NDST3: variants seen among roughly 807,000 people sequenced by gnomAD.
NDST3 encodes N-deacetylase and N-sulfotransferase 3.
Under a neutral mutation model 96.1 loss-of-function variants are expected in NDST3, and 58 were observed. The observed-to-expected ratio is 0.60, with a 90% CI of 0.49 to 0.75. NDST3 has a LOEUF of 0.75. Ranked by LOEUF, NDST3 falls within the 30% of genes least tolerant of loss-of-function variation. The pLI, the probability that NDST3 is intolerant of heterozygous loss-of-function variation, is 0.00. For missense variants in NDST3, 788 were observed against 1,034.2 expected, an observed-to-expected ratio of 0.76 and a Z score of 3.27; for synonymous variants, 333 against 359.7, an observed-to-expected ratio of 0.93 and a Z score of 0.84.
chr4:118,156,847 G>A (rs190465264), intron 6 of NDST3, among the ~76,000 whole-genome samples: 13 of 152,294 alleles, frequency 8.5e-5, no homozygotes, highest in East Asian at 3.9e-4. Flanking sequence ...ATCCTAGTGC[G>A]TGAGCAAATG....
intron 6 of NDST3, among the ~76,000 whole-genome samples, chr4:118,198,644 G>A (rs1174571448): frequency 6.6e-6 from 1 of 151,858 alleles, no homozygotes. Flanking sequence ...TATTACTAGT[G>A]GATTTTGTAC....
intron 6 of NDST3, among the ~76,000 whole-genome samples, chr4:118,168,360 G>T (rs1473765888): frequency 6.6e-6 from 1 of 151,894 alleles, no homozygotes; most frequent in Non-Finnish European, 1.5e-5. Flanking sequence ...GTTTAAAAAA[G>T]TCACTAATCA....
intron 6 of NDST3, among the ~76,000 whole-genome samples, chr4:118,152,145 C>T (rs527301690): frequency 2.0e-5 from 3 of 152,248 alleles, no homozygotes; most frequent in Non-Finnish European, 2.9e-5. Context: ...TCCGAGTCCT[C>T]GTAAGAAAAT....
In NDST3 at chr4:118,117,485, G is replaced by A. The variant is rs149924241; in HGVS notation, c.1224+2525G>A. On this transcript the variant is annotated intron_variant, in intron 4 of 13. Transcript: ENST00000296499. ...AATTTTACCCAATTTCTAAATATGT[G>A]TTAACTCTTTTACTTTCCATTAAGC... 9.1e-4 allele frequency among the ~76,000 whole-genome samples: 139 copies of A among 152,176 alleles called. 1 individual carries two copies. Among genetic ancestry groups the A allele is most frequent in the Middle Eastern group, 6.8e-3 (2 of 294 alleles).
At chr4:118,167,661 T>C (rs953666957) in intron 6 of NDST3, among the ~76,000 whole-genome samples, 1 of 151,994 alleles carries the variant, frequency 6.6e-6, no homozygotes, top group South Asian at 2.1e-4. Flanking sequence ...TTTGAAAATA[T>C]ATTACAAAGA....
chr4:118,138,260 A>G (rs1358482487), intron 5 of NDST3, 21 bp downstream of exon 5: 1 of 1,598,962 alleles, frequency 6.3e-7, no homozygotes, highest in African/African-American at 1.3e-5. Context: ...TCCAGTATGC[A>G]TAGGGTACAA....
intron 2 of NDST3, among the ~76,000 whole-genome samples, chr4:118,058,370 A>G (rs920107256): frequency 1.3e-5 from 2 of 150,510 alleles, no homozygotes; most frequent in African/African-American, 4.9e-5. Flanking sequence ...AAGATCCTCA[A>G]AGCCACAGAA....
intron 6 of NDST3, chr4:118,193,502 G>A: frequency 1.1e-6 from 1 of 921,192 alleles, no homozygotes; most frequent in East Asian, 2.5e-5. Flanking sequence ...GGAAGCCTCT[G>A]CCTTGGCCTT....
At chr4:118,178,717 T>C (rs1204344537) in intron 6 of NDST3, among the ~76,000 whole-genome samples, 1 of 152,054 alleles carries the variant, frequency 6.6e-6, no homozygotes, top group African/African-American at 2.4e-5. Context: ...AATTGCTGGA[T>C]CATATGGTAA....
At chr4:118,227,569 G>A (rs1739971162) in intron 8 of NDST3, among the ~76,000 whole-genome samples, 1 of 149,102 alleles carries the variant, frequency 6.7e-6, no homozygotes, top group South Asian at 2.1e-4. Context: ...AAATTGATGT[G>A]CAATTTTTTT....
At chr4:118,148,451 TTG>T (rs991015616) in intron 6 of NDST3, among the ~76,000 whole-genome samples, 11 of 152,188 alleles carry the variant, frequency 7.2e-5, no homozygotes, top group African/African-American at 2.7e-4. Flanking sequence ...TAAATGCTTT[TTG>T]TCTCTCTGTT....
At chr4:118,068,920 A>C (rs1460451142) in intron 2 of NDST3, among the ~76,000 whole-genome samples, 1 of 152,152 alleles carries the variant, frequency 6.6e-6, no homozygotes, top group South Asian at 2.1e-4. Flanking sequence ...CCATGTACCA[A>C]GACAGTGTGA....
At chr4:118,045,051 C>G (rs2110431840) in intron 1 of NDST3, among the ~76,000 whole-genome samples, 1 of 152,272 alleles carries the variant, frequency 6.6e-6, no homozygotes, top group African/African-American at 2.4e-5. Flanking sequence ...CTTTCACAAC[C>G]TCTGTACTCT....
chr4:118,228,705 G>A (rs1359754796), intron 8 of NDST3, among the ~76,000 whole-genome samples: 1 of 152,066 alleles, frequency 6.6e-6, no homozygotes, highest in Non-Finnish European at 1.5e-5. Context: ...ACAGTTGTTA[G>A]CCTAAAAAAA....
intron 2 of NDST3, among the ~76,000 whole-genome samples, chr4:118,060,290 T>C (rs1560613847): frequency 6.6e-6 from 1 of 152,170 alleles, no homozygotes; most frequent in Non-Finnish European, 1.5e-5. Flanking sequence ...TATTTTAATA[T>C]GTTTTTTCAT....
chr4:118,196,750 G>A (rs998017664), intron 6 of NDST3, among the ~76,000 whole-genome samples: 2 of 151,102 alleles, frequency 1.3e-5, no homozygotes, highest in Non-Finnish European at 2.9e-5. Context: ...TCTTAGGCAA[G>A]CTAAAAGTTT....
chr4:118,250,061 A>G (rs114549961), intron 12 of NDST3, among the ~76,000 whole-genome samples: 2,655 of 152,268 alleles, frequency 0.017, 40 homozygotes, highest in Middle Eastern at 0.082. Context: ...ATTGTTATAT[A>G]TTACTCCATT....
At chr4:118,044,507 C>G (rs1724643988) in intron 1 of NDST3, among the ~76,000 whole-genome samples, 1 of 152,206 alleles carries the variant, frequency 6.6e-6, no homozygotes, top group Non-Finnish European at 1.5e-5. Context: ...TGATGATTAA[C>G]AGTTTACGAC....
intron 12 of NDST3, among the ~76,000 whole-genome samples, chr4:118,251,792 T>C (rs1274604638): frequency 6.6e-6 from 1 of 152,228 alleles, no homozygotes; most frequent in Non-Finnish European, 1.5e-5. Flanking sequence ...CATTTTTATA[T>C]GTACTTTAGA....
Sources: gnomAD v4.1 joint callset for allele counts (sites outside exome capture counted in the v4.1 genomes callset) on GRCh38, gnomAD v4.1.1 for gene constraint, MANE v1.5 for transcripts, NCBI Gene and HGNC (gene_info 2026-07-23, HGNC 2026-07-21) for gene names.